The following ANO4 variants were observed in gnomAD, a reference collection of about 807,000 sequenced individuals.
ANO4 encodes anoctamin 4.
A neutral mutation model predicts 141.9 loss-of-function variants in ANO4; 69 were observed. The observed-to-expected ratio is 0.49, with a 90% CI of 0.40 to 0.59. The LOEUF (loss-of-function observed/expected upper bound fraction) is 0.59, where lower values mean the gene tolerates loss of function less well. Among genes scored for constraint, ANO4 ranks in the 20% least tolerant of loss-of-function variants. The pLI is 0.00. For missense variants in ANO4, 894 were observed against 1,162.2 expected (o/e 0.77, Z 3.36); for synonymous variants, 350 against 394.3 (o/e 0.89, Z 1.33).
chr12:100,954,231 C>T (rs1386312337), intron 5 of ANO4, among the ~76,000 whole-genome samples: 1 of 152,140 alleles, frequency 6.6e-6, no homozygotes, highest in East Asian at 1.9e-4. Flanking sequence ...AATTTTACAG[C>T]ACTGTAAGAC....
intron 1 of ANO4, among the ~76,000 whole-genome samples, chr12:100,811,097 A>C (rs985830598): frequency 1.1e-4 from 16 of 152,318 alleles, no homozygotes; most frequent in Admixed American, 4.6e-4. Flanking sequence ...AGCCCTGATA[A>C]TACAAGAAAT....
At chr12:101,053,240 T>C (rs1366680740) in intron 14 of ANO4, among the ~76,000 whole-genome samples, 1 of 152,188 alleles carries the variant, frequency 6.6e-6, no homozygotes, top group East Asian at 1.9e-4. Flanking sequence ...GAAAGAAGTC[T>C]TAGCTTTGCC....
rs1211233923 is a variant in ANO4 at position 101,128,433 on chromosome 12, GTA to G, written c.*580_*581del. ...TAGATGTATTTCTGTGTGTACATATGTATAGTCATGTATTCCTGCATATGTAC... is the reference window on the plus strand; with the variant it reads ...TAGATGTATTTCTGTGTGTACATATGTAGTCATGTATTCCTGCATATGTAC... On this transcript the variant is annotated 3_prime_UTR_variant, in exon 28 of 28. Coordinates refer to ENST00000392977, the MANE Select transcript of ANO4 (RefSeq NM_001286615.2). 1.2e-4 allele frequency: 18 copies of G among 152,420 alleles called. No homozygotes were observed. The highest frequency in any genetic ancestry group is 1.5e-5 in the Non-Finnish European group (1 of 68,018). The allele number at this position is 152,420 out of a possible 1,614,324, so 9.4% of individuals were successfully genotyped here.
chr12:100,739,010 C>A (rs1291455445), intron 2 of ANO4, among the ~76,000 whole-genome samples: 1 of 85,688 alleles, frequency 1.2e-5, no homozygotes, highest in Non-Finnish European at 2.2e-5. Flanking sequence ...TTATATATAT[C>A]TAAATCTTTA....
At chr12:100,983,205 G>C (rs922111408) in intron 7 of ANO4, among the ~76,000 whole-genome samples, 1 of 152,204 alleles carries the variant, frequency 6.6e-6, no homozygotes, top group Admixed American at 6.5e-5. Context: ...ACCTAACTGG[G>C]AGGTGAGAAC....
intron 3 of ANO4, among the ~76,000 whole-genome samples, chr12:100,760,489 G>A (rs991578652): frequency 6.6e-6 from 1 of 152,194 alleles, no homozygotes; most frequent in Non-Finnish European, 1.5e-5. Context: ...GTGTGATTTA[G>A]ACTGAGTGTC....
At chr12:101,097,013 A>G (rs1023630059) in intron 19 of ANO4, among the ~76,000 whole-genome samples, 3 of 152,216 alleles carry the variant, frequency 2.0e-5, no homozygotes, top group Admixed American at 6.5e-5. Context: ...TGGATTCCTG[A>G]CTTCACTTAA....
At chr12:101,053,148 C>A (rs1426580394) in intron 14 of ANO4, among the ~76,000 whole-genome samples, 1 of 152,156 alleles carries the variant, frequency 6.6e-6, no homozygotes, top group Non-Finnish European at 1.5e-5. Context: ...GTCCAATTTA[C>A]AATAGGCCAA....
intron 15 of ANO4, 84 bp downstream of exon 15, chr12:101,079,359 T>A: frequency 8.6e-7 from 1 of 1,169,190 alleles, no homozygotes. Flanking sequence ...CACTCTCTGT[T>A]CTGTGACGGA....
At chr12:100,854,943 G>A (rs1196728361) in intron 1 of ANO4, among the ~76,000 whole-genome samples, 2 of 152,072 alleles carry the variant, frequency 1.3e-5, no homozygotes, top group East Asian at 1.9e-4. Flanking sequence ...GAGGTCTGTG[G>A]CTTCGTGTAG....
At chr12:101,066,939 A>T in intron 14 of ANO4, 1 of 756,422 alleles carries the variant, frequency 1.3e-6, no homozygotes, top group Non-Finnish European at 2.5e-6. Flanking sequence ...ACAAGGCAAC[A>T]TGAGGACTTT....
At chr12:100,770,971 G>T (rs2033274107) in intron 3 of ANO4, among the ~76,000 whole-genome samples, 1 of 152,056 alleles carries the variant, frequency 6.6e-6, no homozygotes, top group South Asian at 2.1e-4. Context: ...TGGGCATTGA[G>T]AATCCGAATT....
intron 17 of ANO4, among the ~76,000 whole-genome samples, chr12:101,093,014 T>C (rs564751616): frequency 3.3e-5 from 5 of 152,308 alleles, no homozygotes; most frequent in African/African-American, 1.2e-4. Context: ...TCTGTTCTTA[T>C]CTGTTGTTTA....
intron 7 of ANO4, among the ~76,000 whole-genome samples, chr12:100,983,412 G>A (rs764244823): frequency 1.3e-5 from 2 of 152,250 alleles, no homozygotes; most frequent in Non-Finnish European, 2.9e-5. Flanking sequence ...TCCAGGAAGA[G>A]GAGGCTCAAC....
intron 3 of ANO4, among the ~76,000 whole-genome samples, chr12:100,758,069 C>T (rs1321614055): frequency 1.3e-5 from 2 of 152,192 alleles, no homozygotes; most frequent in Non-Finnish European, 1.5e-5. Context: ...TAAACAGGCT[C>T]TTTGGATCAG....
chr12:100,946,661 G>C (rs1390369056), intron 5 of ANO4, among the ~76,000 whole-genome samples: 1 of 152,238 alleles, frequency 6.6e-6, no homozygotes, highest in Non-Finnish European at 1.5e-5. Context: ...CAATGGAGAT[G>C]TTGGGTAAGA....
chr12:100,758,893 G>C (rs927658693), intron 3 of ANO4, among the ~76,000 whole-genome samples: 1 of 152,062 alleles, frequency 6.6e-6, no homozygotes, highest in East Asian at 1.9e-4. Flanking sequence ...TCTACACATG[G>C]CCTTCTCTTT....
At chr12:101,033,328 A>T (rs1056262800) in intron 9 of ANO4, among the ~76,000 whole-genome samples, 4 of 151,478 alleles carry the variant, frequency 2.6e-5, no homozygotes. Flanking sequence ...GGGGTGGGGG[A>T]AGGGGGGAGG....
chr12:100,737,573 G>C (rs1265610574), intron 2 of ANO4, among the ~76,000 whole-genome samples: 1 of 152,196 alleles, frequency 6.6e-6, no homozygotes, highest in Non-Finnish European at 1.5e-5. Context: ...GGCTGTGTGG[G>C]GTGGGACAGA....
Sources: allele counts gnomAD v4.1 joint callset (sites outside exome capture counted in the v4.1 genomes callset), GRCh38; gene constraint gnomAD v4.1.1; transcripts MANE v1.5; gene names NCBI Gene and HGNC (gene_info 2026-07-23, HGNC 2026-07-21).